The following TMEM200A variants were observed in gnomAD, a reference collection of about 807,000 sequenced individuals.
TMEM200A encodes transmembrane protein 200A, also known as two transmembrane C.
In TMEM200A, 12 loss-of-function variants were observed where a neutral mutation model predicts 24.3. The ratio of observed to expected loss-of-function variants is 0.49; its 90% CI spans 0.32 to 0.80. The LOEUF is 0.80. Ranked by LOEUF, TMEM200A falls within the 30% of genes least tolerant of loss-of-function variation. The pLI is 0.04. For synonymous variants in TMEM200A, 224 were observed against 224.4 expected (o/e 1.00, Z 0.02); for missense variants, 545 against 614.4 (o/e 0.89, Z 1.19).
intron 2 of TMEM200A, among the ~76,000 whole-genome samples, chr6:130,396,373 T>C (rs1778953649): frequency 6.6e-6 from 1 of 151,748 alleles, no homozygotes; most frequent in Admixed American, 6.6e-5. Flanking sequence ...TGTTTTTTTT[T>C]TTTTTTTAAA....
At chr6:130,436,663 CAG>C (rs1469111997) in intron 2 of TMEM200A, among the ~76,000 whole-genome samples, 1 of 24,006 alleles carries the variant, frequency 4.2e-5, no homozygotes, top group Non-Finnish European at 1.3e-4. Flanking sequence ...TTTTTTTTTT[CAG>C]AGAGACAGGT....
intron 2 of TMEM200A, among the ~76,000 whole-genome samples, chr6:130,425,602 A>G (rs1030858925): frequency 1.3e-5 from 2 of 152,212 alleles, no homozygotes; most frequent in Non-Finnish European, 1.5e-5. Context: ...TTCATTTTGA[A>G]GACACAGCCA....
chr6:130,420,839 G>C (rs988293127), intron 2 of TMEM200A, among the ~76,000 whole-genome samples: 3 of 151,958 alleles, frequency 2.0e-5, no homozygotes, highest in African/African-American at 7.2e-5. Flanking sequence ...GAAATCCCAC[G>C]CTTGTTGTCT....
chr6:130,403,062 C>G (rs1321283747), intron 2 of TMEM200A, among the ~76,000 whole-genome samples: 7 of 152,064 alleles, frequency 4.6e-5, no homozygotes, highest in African/African-American at 1.7e-4. Context: ...CCTGGCTGTC[C>G]TGCTTCTTTC....
At chr6:130,402,666 TATA>T (rs1241008090) in intron 2 of TMEM200A, among the ~76,000 whole-genome samples, 2 of 152,126 alleles carry the variant, frequency 1.3e-5, no homozygotes, top group Non-Finnish European at 2.9e-5. Context: ...AAAAGAAGAA[TATA>T]ATGTGTGCAG....
chr6:130,440,904 G>A lies in TMEM200A; in HGVS notation c.482G>A (p.Arg161Lys). ...RDKETKIIHM[R>K]DIYSTVIDIH... is the part of the protein sequence containing the mutation. ...AAAGAGACCAAAATCATACACATGA[G>A]GGATATCTATTCCACAGTCATTGAC... Residue 161 changes from arginine to lysine, a missense_variant, in exon 3 of 3, where the codon AGG becomes AAG. Physicochemically the swap from Arg to Lys is conservative, Grantham distance 26 (BLOSUM62 2). Transcript: ENST00000296978. 6.2e-7 allele frequency: 1 copy of A among 1,613,994 alleles called. No homozygotes were observed. Among genetic ancestry groups the A allele is most frequent in the Non-Finnish European group, 8.5e-7 (1 of 1,179,980 alleles).
intron 2 of TMEM200A, among the ~76,000 whole-genome samples, chr6:130,419,783 G>A (rs1432068047): frequency 1.3e-5 from 2 of 152,184 alleles, no homozygotes; most frequent in African/African-American, 4.8e-5. Flanking sequence ...ACTTGTCTTA[G>A]TCTGTTCTTG....
chr6:130,437,220 T>G (rs1392176251), intron 2 of TMEM200A: 3 of 152,404 alleles, frequency 2.0e-5, no homozygotes, highest in African/African-American at 7.2e-5. Context: ...AGTTGTGTGC[T>G]GGCCAAGTTC....
intron 2 of TMEM200A, among the ~76,000 whole-genome samples, chr6:130,414,305 G>T (rs575236241): frequency 6.6e-6 from 1 of 151,584 alleles, no homozygotes; most frequent in Non-Finnish European, 1.5e-5. Context: ...GGTGTTGGGC[G>T]CCTGTAATCC....
At chr6:130,421,863 T>A (rs983994214) in intron 2 of TMEM200A, among the ~76,000 whole-genome samples, 5 of 152,186 alleles carry the variant, frequency 3.3e-5, no homozygotes, top group African/African-American at 1.2e-4. Context: ...ATGGGAGGCT[T>A]GCTTTCTTTT....
At chr6:130,423,929 A>G (rs1779663743) in intron 2 of TMEM200A, among the ~76,000 whole-genome samples, 1 of 152,182 alleles carries the variant, frequency 6.6e-6, no homozygotes, top group African/African-American at 2.4e-5. Context: ...GTGAGTTCCT[A>G]TAAAGGTTAT....
At chr6:130,401,758 G>T (rs941649926) in intron 2 of TMEM200A, among the ~76,000 whole-genome samples, 3 of 151,782 alleles carry the variant, frequency 2.0e-5, no homozygotes, top group African/African-American at 4.8e-5. Flanking sequence ...GGTCTTTTCA[G>T]TTGTTTTAAA....
chr6:130,373,420 T>G (rs1452570818), intron 1 of TMEM200A, among the ~76,000 whole-genome samples: 1 of 152,216 alleles, frequency 6.6e-6, no homozygotes, highest in African/African-American at 2.4e-5. Flanking sequence ...TTTCTCCTTA[T>G]TTTTAATGAT....
chr6:130,396,687 A>C (rs1177353856), intron 2 of TMEM200A, among the ~76,000 whole-genome samples: 6 of 152,250 alleles, frequency 3.9e-5, no homozygotes, highest in African/African-American at 1.4e-4. Flanking sequence ...AATCACTCAT[A>C]CTTTTTAATA....
At chr6:130,385,812 C>A (rs751221659) in intron 2 of TMEM200A, among the ~76,000 whole-genome samples, 1 of 152,142 alleles carries the variant, frequency 6.6e-6, no homozygotes, top group Admixed American at 6.5e-5. Flanking sequence ...ACATAAACTA[C>A]AGAAATAATT....
Position 130,378,032 on chromosome 6 carries a change from G to A in TMEM200A, c.-80-7141G>A, listed in dbSNP as rs9492562. ...GAATAGAAAGTGCAAAGGCCATAAGGAGTCAGTGTGTGGGGTGGGAGTTGG... is the reference window on the plus strand; with the variant it reads ...GAATAGAAAGTGCAAAGGCCATAAGAAGTCAGTGTGTGGGGTGGGAGTTGG... On this transcript the variant is annotated intron_variant, in intron 1 of 2. Coordinates refer to ENST00000296978, the MANE Select transcript of TMEM200A (RefSeq NM_001258277.2). 5.0e-3 allele frequency among the ~76,000 whole-genome samples: 767 copies of A among 152,236 alleles called. 9 individuals are homozygous for A. The highest frequency in any genetic ancestry group is 0.018 in the African/African-American group (737 of 41,560).
In TMEM200A at chr6:130,366,132, C is replaced by A; in HGVS notation, c.-473C>A. ...TCCCTCTCCCCTGCCCGGCTTGCTG[C>A]GCCCGGTGCCCTCCGAGGGCAGGCG... On this transcript the variant is annotated 5_prime_UTR_variant, in exon 1 of 3. Transcript: ENST00000296978. This position sits in a 1 kb window ranked among gnomAD's most constrained non-coding sequence, Gnocchi z 4.4. 1.0e-6 allele frequency: 1 copy of A among 985,374 alleles called. No individual in the cohort carries two copies. The highest frequency in any genetic ancestry group is 4.7e-5 in the South Asian group (1 of 21,288). The allele number at this position is 985,374 out of a possible 1,614,324, so 61.0% of individuals were successfully genotyped here.
At chr6:130,397,691 T>C (rs1220150014) in intron 2 of TMEM200A, among the ~76,000 whole-genome samples, 2 of 151,882 alleles carry the variant, frequency 1.3e-5, no homozygotes, top group African/African-American at 2.4e-5. Context: ...GGTTTTATTA[T>C]GATTACTGAG....
chr6:130,395,466 A>G (rs907415764), intron 2 of TMEM200A, among the ~76,000 whole-genome samples: 1 of 152,230 alleles, frequency 6.6e-6, no homozygotes, highest in Non-Finnish European at 1.5e-5. Flanking sequence ...ACAGATCTCA[A>G]AAATGGTCTC....
Sources: gnomAD v4.1 joint callset for allele counts (sites outside exome capture counted in the v4.1 genomes callset) on GRCh38, gnomAD v4.1.1 for gene constraint, Gnocchi (gnomAD v3.1) non-coding constraint, MANE v1.5 for transcripts, NCBI Gene and HGNC (gene_info 2026-07-23, HGNC 2026-07-21) for gene names.